SPAG16: variants seen among roughly 807,000 people sequenced by gnomAD.
SPAG16 encodes sperm associated antigen 16.
In SPAG16, 86 loss-of-function variants were observed where a neutral mutation model predicts 80.4. That is an observed-to-expected ratio of 1.07 (90% confidence interval 0.90 to 1.28). SPAG16 has a LOEUF of 1.28. SPAG16 is among the 50% of genes most tolerant of loss of function. The probability of loss-of-function intolerance (pLI) is 0.00; values close to 1 mark genes in which losing one functional copy is unlikely to be tolerated. For missense variants in SPAG16, 870 were observed against 765.3 expected (o/e 1.14, Z -1.61); for synonymous variants, 294 against 265.9 (o/e 1.11, Z -1.03).
chr2:214,215,261 A>G (rs1041601336), intron 15 of SPAG16, among the ~76,000 whole-genome samples: 4 of 152,072 alleles, frequency 2.6e-5, no homozygotes, highest in African/African-American at 7.2e-5. Flanking sequence ...ATCAGCTGGA[A>G]CAAAATGACT....
intron 10 of SPAG16, among the ~76,000 whole-genome samples, chr2:213,646,994 A>G (rs566222049): frequency 6.6e-6 from 1 of 152,250 alleles, no homozygotes; most frequent in East Asian, 1.9e-4. Context: ...ACATAAAACA[A>G]TTAAAATGAA....
intron 11 of SPAG16, among the ~76,000 whole-genome samples, chr2:213,892,589 CAG>C (rs972892690): frequency 6.6e-6 from 1 of 151,962 alleles, no homozygotes; most frequent in African/African-American, 2.4e-5. Context: ...AGAAATATAT[CAG>C]AAAAATTTAA....
intron 15 of SPAG16, among the ~76,000 whole-genome samples, chr2:214,320,334 TG>T (rs1487943813): frequency 6.6e-6 from 1 of 152,210 alleles, no homozygotes; most frequent in Admixed American, 6.5e-5. Context: ...CTCCTACATA[TG>T]GGGTAAGGGC....
chr2:213,406,314 T>C (rs2068604312), intron 9 of SPAG16, among the ~76,000 whole-genome samples: 1 of 152,172 alleles, frequency 6.6e-6, no homozygotes, highest in South Asian at 2.1e-4. Flanking sequence ...CCAAGGAAGA[T>C]GGAAAAGCCC....
intron 15 of SPAG16, among the ~76,000 whole-genome samples, chr2:214,222,110 C>CTTT (rs10694178): frequency 0.027 from 2,844 of 103,568 alleles, 225 homozygotes; most frequent in South Asian, 0.054. Flanking sequence ...CCTTGCTATT[C>CTTT]TTTTTTTTTT....
intron 7 of SPAG16, among the ~76,000 whole-genome samples, chr2:213,361,220 TA>T (rs2065959180): frequency 6.6e-6 from 1 of 151,972 alleles, no homozygotes; most frequent in South Asian, 2.1e-4. Flanking sequence ...TTTAAGAAAT[TA>T]TTGAAAATAG....
At chr2:214,399,663 T>G (rs1400530510) in intron 15 of SPAG16, among the ~76,000 whole-genome samples, 1 of 152,090 alleles carries the variant, frequency 6.6e-6, no homozygotes, top group African/African-American at 2.4e-5. Flanking sequence ...AAGGGTGGTT[T>G]TATTACTTTA....
chr2:214,185,888 C>G (rs1007797194), intron 15 of SPAG16, among the ~76,000 whole-genome samples: 3 of 152,044 alleles, frequency 2.0e-5, no homozygotes, highest in Admixed American at 6.6e-5. Flanking sequence ...TCCTTTATAT[C>G]ATGTTTCACA....
chr2:213,593,185 A>T (rs2124932275), intron 10 of SPAG16, among the ~76,000 whole-genome samples: 1 of 152,276 alleles, frequency 6.6e-6, no homozygotes, highest in East Asian at 1.9e-4. Flanking sequence ...GAGGTGATAC[A>T]TTGGAGTTCT....
At chr2:214,011,433 T>C (rs1456985699) in intron 12 of SPAG16, among the ~76,000 whole-genome samples, 1 of 151,144 alleles carries the variant, frequency 6.6e-6, no homozygotes, top group African/African-American at 2.5e-5. Flanking sequence ...TATATTGGTA[T>C]ACTTCTTGGG....
At chr2:213,377,116 G>A (rs2066916435) in intron 9 of SPAG16, among the ~76,000 whole-genome samples, 1 of 152,154 alleles carries the variant, frequency 6.6e-6, no homozygotes, top group Non-Finnish European at 1.5e-5. Context: ...ACCTTACACT[G>A]AGTTGATATT....
At chr2:213,571,844 G>T (rs1483106620) in intron 10 of SPAG16, among the ~76,000 whole-genome samples, 7 of 127,388 alleles carry the variant, frequency 5.5e-5, no homozygotes, top group African/African-American at 1.1e-4. Flanking sequence ...TTCCAACTTG[G>T]TTCCATTCTC....
At chr2:214,352,442 T>G (rs1698472568) in intron 15 of SPAG16, among the ~76,000 whole-genome samples, 1 of 152,194 alleles carries the variant, frequency 6.6e-6, no homozygotes, top group Non-Finnish European at 1.5e-5. Context: ...ACATTCTCCT[T>G]AAGGAACTGC....
chr2:214,071,654 A>G (rs1305264802), intron 13 of SPAG16, among the ~76,000 whole-genome samples: 1 of 152,160 alleles, frequency 6.6e-6, no homozygotes, highest in Non-Finnish European at 1.5e-5. Context: ...CAGAAGAGGC[A>G]GCTGTCAGTC....
intron 9 of SPAG16, among the ~76,000 whole-genome samples, chr2:213,433,086 C>T (rs893743423): frequency 6.6e-6 from 1 of 152,140 alleles, no homozygotes; most frequent in Admixed American, 6.5e-5. Context: ...ACAAACTAGT[C>T]ATAGAAGGAA....
At chr2:213,498,954 T>C (rs756412298) in intron 10 of SPAG16, among the ~76,000 whole-genome samples, 2 of 152,134 alleles carry the variant, frequency 1.3e-5, no homozygotes, top group Non-Finnish European at 2.9e-5. Context: ...CTCCTCCAAC[T>C]TGAATTTATC....
chr2:214,049,231 G>A (rs1245785619), intron 13 of SPAG16, among the ~76,000 whole-genome samples: 1 of 152,154 alleles, frequency 6.6e-6, no homozygotes, highest in African/African-American at 2.4e-5. Flanking sequence ...GACTGAAAAG[G>A]AACAGTTAAG....
At chr2:213,886,527 T>C (rs1559553126) in intron 11 of SPAG16, among the ~76,000 whole-genome samples, 1 of 152,016 alleles carries the variant, frequency 6.6e-6, no homozygotes, top group Non-Finnish European at 1.5e-5. Flanking sequence ...ACAGCAACAG[T>C]AGCAGCAGCA....
At chr2:213,317,482 A>C in intron 5 of SPAG16, 126 bp downstream of exon 5, 2 of 1,358,122 alleles carry the variant, frequency 1.5e-6, no homozygotes, top group Non-Finnish European at 1.9e-6. Context: ...CTAGTTGTAA[A>C]GAATGTGAGA....
Sources: allele counts gnomAD v4.1 joint callset (sites outside exome capture counted in the v4.1 genomes callset), GRCh38; gene constraint gnomAD v4.1.1; transcripts MANE v1.5; gene names NCBI Gene and HGNC (gene_info 2026-07-23, HGNC 2026-07-21).